Variants in SLC9D1 observed in about 807,000 individuals in gnomAD.
SLC9D1 encodes putative LAG1-interacting protein.
the SLC9D1 span, among the ~76,000 whole-genome samples, chr13:113,506,592 G>T: frequency 1.3e-5 from 2 of 148,686 alleles, no homozygotes; most frequent in African/African-American, 4.9e-5. Flanking sequence ...ATTTAGAGAG[G>T]TTTGCAGCAA....
At chr13:113,510,531 C>T in the SLC9D1 span, 2 of 1,053,498 alleles carry the variant, frequency 1.9e-6, no homozygotes, top group Non-Finnish European at 2.8e-6. Flanking sequence ...AGTCTTATTT[C>T]CCCTCTTAGG....
the SLC9D1 span, among the ~76,000 whole-genome samples, chr13:113,525,604 C>T: frequency 2.3e-5 from 2 of 87,874 alleles, no homozygotes; most frequent in Non-Finnish European, 4.7e-5. Context: ...AACAAGCCAT[C>T]GTCATCATAG....
At chr13:113,517,436 G>A in the SLC9D1 span, among the ~76,000 whole-genome samples, 2 of 152,104 alleles carry the variant, frequency 1.3e-5, no homozygotes, top group Admixed American at 6.5e-5. Flanking sequence ...CACCGTGTTA[G>A]CCAGGATGGT....
chr13:113,508,354 T>C, the SLC9D1 span, among the ~76,000 whole-genome samples: 4 of 152,228 alleles, frequency 2.6e-5, no homozygotes, highest in African/African-American at 9.6e-5. Flanking sequence ...TAACACTGCT[T>C]GCAGGAGTAA....
chr13:113,539,582 A>G, the SLC9D1 span: 14 of 1,379,136 alleles, frequency 1.0e-5, no homozygotes, highest in African/African-American at 1.3e-4. This position sits in a 1 kb window ranked among gnomAD's most constrained non-coding sequence, Gnocchi z 4.8. Context: ...GTTTACGTGC[A>G]TATATATTTA....
the SLC9D1 span, among the ~76,000 whole-genome samples, chr13:113,531,767 A>G: frequency 7.2e-5 from 11 of 152,258 alleles, no homozygotes; most frequent in African/African-American, 2.7e-4. Flanking sequence ...GAAACTTGTC[A>G]CGGTGATTGT....
the SLC9D1 span, chr13:113,529,725 C>T: frequency 6.6e-6 from 1 of 152,028 alleles, no homozygotes; most frequent in Admixed American, 6.6e-5. Flanking sequence ...ACACAGAGCT[C>T]CCATTTGACC....
the SLC9D1 span, chr13:113,547,420 C>T: frequency 1.3e-6 from 2 of 1,490,452 alleles, no homozygotes; most frequent in Non-Finnish European, 1.9e-6. Context: ...AGTTTGCAGG[C>T]TCAGCATAGC....
the SLC9D1 span, among the ~76,000 whole-genome samples, chr13:113,513,621 A>T: frequency 6.6e-6 from 1 of 152,226 alleles, no homozygotes; most frequent in Non-Finnish European, 1.5e-5. Flanking sequence ...TGTAATTTGA[A>T]AAAAAAGCTT....
At chr13:113,503,704 TATG>T in the SLC9D1 span, 1 of 636,112 alleles carries the variant, frequency 1.6e-6, no homozygotes, top group East Asian at 2.7e-5. Context: ...TAGAATAGAA[TATG>T]ATATTTCGGT....
the SLC9D1 span, chr13:113,548,394 G>A: frequency 6.2e-7 from 1 of 1,613,420 alleles, no homozygotes; most frequent in African/African-American, 1.3e-5. Flanking sequence ...GCCCAGGTCA[G>A]CGAGTTTTCC....
chr13:113,503,809 A>G, the SLC9D1 span: 3 of 537,750 alleles, frequency 5.6e-6, no homozygotes, highest in African/African-American at 3.8e-5. Flanking sequence ...TTGCCTTCAC[A>G]TGGCTAACTT....
chr13:113,546,395 G>A, the SLC9D1 span, among the ~76,000 whole-genome samples: 1 of 152,094 alleles, frequency 6.6e-6, no homozygotes, highest in Non-Finnish European at 1.5e-5. This position sits in a 1 kb window ranked among gnomAD's most constrained non-coding sequence, Gnocchi z 7.1. Flanking sequence ...AGCACTGGGA[G>A]TGGGCATGGA....
chr13:113,513,486 A>G, the SLC9D1 span, among the ~76,000 whole-genome samples: 1 of 152,196 alleles, frequency 6.6e-6, no homozygotes, highest in South Asian at 2.1e-4. Context: ...CTAAAACTCT[A>G]GATAGTAAGA....
At chr13:113,522,199 T>C in the SLC9D1 span, among the ~76,000 whole-genome samples, 8 of 152,274 alleles carry the variant, frequency 5.3e-5, no homozygotes, top group African/African-American at 1.9e-4. Context: ...TGTAGGTTTA[T>C]TGTAGACTCT....
chr13:113,509,091 ACACTGCCTGTGTATGTTGGGGCTG>A, the SLC9D1 span, among the ~76,000 whole-genome samples: 6,090 of 107,314 alleles, frequency 0.057, 133 homozygotes, highest in African/African-American at 0.11. Context: ...GGGTCCCCTG[ACACTGCCTGTGTATGTTGGGGCTG>A]GTGGGCTTGG....
chr13:113,497,450 C>T, the SLC9D1 span, among the ~76,000 whole-genome samples: 2 of 144,626 alleles, frequency 1.4e-5, no homozygotes, highest in Non-Finnish European at 3.0e-5. Flanking sequence ...GTGAGACCTG[C>T]AGCTGTATGA....
the SLC9D1 span, among the ~76,000 whole-genome samples, chr13:113,547,683 A>T: frequency 6.6e-6 from 1 of 152,190 alleles, no homozygotes; most frequent in Non-Finnish European, 1.5e-5. Flanking sequence ...TGACAGATGC[A>T]GACATGCTTT....
At chr13:113,493,963 T>C in the SLC9D1 span, among the ~76,000 whole-genome samples, 1 of 152,234 alleles carries the variant, frequency 6.6e-6, no homozygotes, top group African/African-American at 2.4e-5. Context: ...GAATGCTGCC[T>C]CCAGAAATGC....
Sources: gnomAD v4.1 joint callset for allele counts (sites outside exome capture counted in the v4.1 genomes callset) on GRCh38, gnomAD v4.1.1 for gene constraint, Gnocchi (gnomAD v3.1) non-coding constraint, MANE v1.5 for transcripts, NCBI Gene and HGNC (gene_info 2026-07-23, HGNC 2026-07-21) for gene names.